The following NFIX variants were observed in gnomAD, a reference collection of about 807,000 sequenced individuals.
NFIX encodes the protein nuclear factor I X.
NFIX carries 2 observed loss-of-function variants against 53.3 expected under a neutral mutation model. The observed-to-expected ratio is 0.04, with a 90% CI of 0.02 to 0.12. NFIX has a LOEUF of 0.12. NFIX is among the 10% of genes least tolerant of loss of function. NFIX has a pLI of 1.00. For missense variants in NFIX, 310 were observed against 674.5 expected, an observed-to-expected ratio of 0.46 and a Z score of 5.99; for synonymous variants, 244 against 289.0, an observed-to-expected ratio of 0.84 and a Z score of 1.58.
At chr19:13,033,982 C>G (rs1482882628) in intron 2 of NFIX, among the ~76,000 whole-genome samples, 1 of 152,184 alleles carries the variant, frequency 6.6e-6, no homozygotes, top group African/African-American at 2.4e-5. Context: ...ATTATTGTAT[C>G]TACTGTACAG....
chr19:13,050,780 C>G (rs764267865), intron 2 of NFIX, among the ~76,000 whole-genome samples: 2 of 152,188 alleles, frequency 1.3e-5, no homozygotes, highest in Non-Finnish European at 2.9e-5. Flanking sequence ...CTGAGGAAAC[C>G]CAGTCCCCTT....
chr19:13,000,078 C>T (rs1247561516), intron 1 of NFIX, among the ~76,000 whole-genome samples: 1 of 152,212 alleles, frequency 6.6e-6, no homozygotes, highest in Non-Finnish European at 1.5e-5. Flanking sequence ...CTTGTGTAGC[C>T]TCAAGAGCTC....
chr19:13,024,831 GCTTCAAACCACA>G, intron 1 of NFIX, 178 bp from the exon 2 acceptor site: 1 of 1,342,136 alleles, frequency 7.5e-7, no homozygotes, highest in Admixed American at 2.0e-5. Flanking sequence ...GCTGGTGGTG[GCTTCAAACCACA>G]CTTTCGTAGA....
rs758072614 is a variant in NFIX, at chr19:13,013,628, G to C, written c.28-11393G>C. ...CTTTTTTTTTCCCCCCTTACTCTTC[G>C]AGTCTTTTTCCTCTTCTCTAAAAAC... On this transcript the variant is annotated intron_variant, in intron 1 of 10. Coordinates refer to ENST00000592199, the MANE Select transcript of NFIX (RefSeq NM_001365902.3). The surrounding 1 kb of genome is among the most constrained non-coding windows in gnomAD (Gnocchi z 5.9). 4.6e-5 allele frequency: 7 copies of C among 150,900 alleles called. No homozygotes were observed. Among genetic ancestry groups the C allele is most frequent in the Non-Finnish European group, 8.8e-5 (6 of 67,802 alleles). 9.3% of individuals were successfully genotyped at this position (150,900 alleles called of 1,614,324 possible).
At chr19:13,039,291 G>T (rs1263696638) in intron 2 of NFIX, among the ~76,000 whole-genome samples, 2 of 151,514 alleles carry the variant, frequency 1.3e-5, no homozygotes, top group Non-Finnish European at 2.9e-5. Context: ...CTGCTGCCCA[G>T]GAGTGTTCCC....
rs1416535913 is a variant in NFIX, at chr19:13,002,576, G to A, written c.27+6712G>A. ...GCTGCCCGGCGGGGCGGGCGGGCAG[G>A]GAGGGGTCGGGGGCACGGAGCTGGG... On this transcript the variant is annotated intron_variant, in intron 1 of 10. Transcript: ENST00000592199. The surrounding 1 kb of genome is among the most constrained non-coding windows in gnomAD (Gnocchi z 6.1). Among the ~76,000 whole-genome samples, 4 of 152,186 alleles carry A rather than the reference G, an allele frequency of 2.6e-5. No individual in the cohort carries two copies. Among genetic ancestry groups the A allele is most frequent in the Non-Finnish European group, 5.9e-5 (4 of 68,016 alleles).
rs1027891473 is a variant in NFIX, at chr19:13,011,257, G to C, written c.28-13764G>C. On this transcript the variant is annotated intron_variant, in intron 1 of 10. Coordinates refer to ENST00000592199, the MANE Select transcript of NFIX (RefSeq NM_001365902.3). This position sits in a 1 kb window ranked among gnomAD's most constrained non-coding sequence, Gnocchi z 6.5. ...CCCAGAAACACAATCGCGGGGGTGG[G>C]TGCTGGCGGCGAGACGTTGCTTTTT... 6.6e-6 allele frequency among the ~76,000 whole-genome samples: 1 copy of C among 152,214 alleles called. No homozygotes were observed. The highest frequency in any genetic ancestry group is 2.4e-5 in the African/African-American group (1 of 41,440).
chr19:13,055,666 G>A (rs62109902), intron 2 of NFIX, among the ~76,000 whole-genome samples: 9,509 of 152,190 alleles, frequency 0.062, 404 homozygotes, highest in Non-Finnish European at 0.092. Flanking sequence ...CCATCTGCTC[G>A]CCCCGGGCCT....
Position 13,009,816 on chromosome 19 carries a change from G to A in NFIX, c.27+13952G>A, listed in dbSNP as rs2012230910. 6.6e-6 allele frequency among the ~76,000 whole-genome samples: 1 copy of A among 152,244 alleles called. No individual in the cohort carries two copies. Among genetic ancestry groups the A allele is most frequent in the Non-Finnish European group, 1.5e-5 (1 of 68,038 alleles). ...AGGCTTGAGTGTCTGATGTGTGAGT[G>A]GCCATGTGGACGGCTGGAGTTGGTC... is the stretch of plus-strand genomic sequence containing the variant. On this transcript the variant is annotated intron_variant, in intron 1 of 10. Coordinates refer to ENST00000592199, the MANE Select transcript of NFIX (RefSeq NM_001365902.3). The surrounding 1 kb of genome is among the most constrained non-coding windows in gnomAD (Gnocchi z 4.7).
At chr19:13,064,811 A>G (rs913543711) in intron 2 of NFIX, among the ~76,000 whole-genome samples, 1 of 152,354 alleles carries the variant, frequency 6.6e-6, no homozygotes, top group African/African-American at 2.4e-5. Context: ...AGGAATAAGC[A>G]TTCAGCAAAT....
chr19:13,094,550 GGGGCCAGGTCACT>G lies in NFIX; in HGVS notation c.1495-75_1495-63del. 1.4e-6 allele frequency: 2 copies of G among 1,420,920 alleles called. No individual in the cohort carries two copies. The highest frequency in any genetic ancestry group is 1.9e-6 in the Non-Finnish European group (2 of 1,047,276). 88.0% of individuals were successfully genotyped at this position (1,420,920 alleles called of 1,614,324 possible). On this transcript the variant is annotated intron_variant, in intron 10 of 10. Transcript: ENST00000592199. This position sits in a 1 kb window ranked among gnomAD's most constrained non-coding sequence, Gnocchi z 4.3. ...GGCTCTTTGGGAGCTGGACCCTTGAGGGGCCAGGTCACTGGGCCAGGTAGGAGTGAGATGGGAC... is the reference window on the plus strand; with the variant it reads ...GGCTCTTTGGGAGCTGGACCCTTGAGGGGCCAGGTAGGAGTGAGATGGGAC...
At position 13,097,923 on chromosome 19, in the gene NFIX, T is replaced by A. The variant is rs10419483; in HGVS notation, c.*3274T>A. ...CGCTCCAGGACAGGACCAGCCACGC[T>A]GACAGGTCGATTTGCCCAGGCCCGC... On this transcript the variant is annotated 3_prime_UTR_variant, in exon 11 of 11. Coordinates refer to ENST00000592199, the MANE Select transcript of NFIX (RefSeq NM_001365902.3). The A allele has an allele frequency of 1.5e-3, 228 of 153,020 alleles. 1 individual carries two copies. Among genetic ancestry groups the A allele is most frequent in the Middle Eastern group, 6.6e-3 (2 of 302 alleles). 9.5% of individuals were successfully genotyped at this position (153,020 alleles called of 1,614,324 possible).
Position 13,090,266 on chromosome 19 carries a change from A to G in NFIX, c.1403-33A>G. 1 of 1,607,984 alleles carries G rather than the reference A, an allele frequency of 6.2e-7. No individual in the cohort carries two copies. The highest frequency in any genetic ancestry group is 8.5e-7 in the Non-Finnish European group (1 of 1,174,548). Reference sequence around the variant, plus strand: ...GCCCAGGTGGGCCCCAAGGCCTGACAGGGTCTCTCCCTCTCTCCCCTGCTC... The same window carrying G: ...GCCCAGGTGGGCCCCAAGGCCTGACGGGGTCTCTCCCTCTCTCCCCTGCTC... On this transcript the variant is annotated intron_variant, in intron 9 of 10. Coordinates refer to ENST00000592199, the MANE Select transcript of NFIX (RefSeq NM_001365902.3). The surrounding 1 kb of genome is among the most constrained non-coding windows in gnomAD (Gnocchi z 6.6).
chr19:13,007,186 C>A (rs943777279), intron 1 of NFIX, among the ~76,000 whole-genome samples: 1 of 152,156 alleles, frequency 6.6e-6, no homozygotes, highest in Non-Finnish European at 1.5e-5. Flanking sequence ...CCCTCCCCCC[C>A]CATAGGCGCC....
chr19:13,050,480 G>T (rs1232384010), intron 2 of NFIX, among the ~76,000 whole-genome samples: 2 of 152,248 alleles, frequency 1.3e-5, no homozygotes, highest in East Asian at 1.9e-4. Flanking sequence ...CTGCAGGGGG[G>T]TGTTACCCAG....
chr19:13,019,000 G>C (rs2012817427), intron 1 of NFIX, among the ~76,000 whole-genome samples: 1 of 152,190 alleles, frequency 6.6e-6, no homozygotes. Flanking sequence ...TTTCTGTGAA[G>C]TTTTGTAAGT....
intron 8 of NFIX, 196 bp downstream of exon 8, chr19:13,082,051 A>C: frequency 1.6e-6 from 1 of 631,818 alleles, no homozygotes. Context: ...GGGCTTGTCT[A>C]TCATGGTCCG....
rs2145506893 is a variant in NFIX at position 13,088,664 on chromosome 19, C to T, written c.1402+528C>T. ...GGCCTCAAAGACGCAGCAGGCCAGC[C>T]CGACCCCTTCCCCCTCAGTCTCACA... On this transcript the variant is annotated intron_variant, in intron 9 of 10. Coordinates refer to ENST00000592199, the MANE Select transcript of NFIX (RefSeq NM_001365902.3). The surrounding 1 kb of genome is among the most constrained non-coding windows in gnomAD (Gnocchi z 5.9). Among the ~76,000 whole-genome samples, 1 of 151,804 alleles carries T rather than the reference C, an allele frequency of 6.6e-6. No individual in the cohort carries two copies. The highest frequency in any genetic ancestry group is 1.9e-4 in the East Asian group (1 of 5,134).
chr19:13,016,426 G>A (rs2012668697), intron 1 of NFIX, among the ~76,000 whole-genome samples: 1 of 152,134 alleles, frequency 6.6e-6, no homozygotes, highest in Non-Finnish European at 1.5e-5. Context: ...AGGGCTAAAG[G>A]ATAAGAAATG....
Sources: gnomAD v4.1 joint callset for allele counts (sites outside exome capture counted in the v4.1 genomes callset) on GRCh38, gnomAD v4.1.1 for gene constraint, Gnocchi (gnomAD v3.1) non-coding constraint, MANE v1.5 for transcripts, NCBI Gene and HGNC (gene_info 2026-07-23, HGNC 2026-07-21) for gene names.